PROM1: variants seen among roughly 807,000 people sequenced by gnomAD.
PROM1 encodes the protein prominin-1.
A neutral mutation model predicts 116.9 loss-of-function variants in PROM1; 105 were observed. The ratio of observed to expected loss-of-function variants is 0.90; its 90% CI spans 0.77 to 1.06. PROM1 has a LOEUF of 1.06. PROM1 is among the 50% of genes least tolerant of loss of function. The pLI, the probability that PROM1 is intolerant of heterozygous loss-of-function variation, is 0.00. For missense variants in PROM1, 1,122 were observed against 1,045.2 expected, an observed-to-expected ratio of 1.07 and a Z score of -1.01; for synonymous variants, 393 against 387.0, an observed-to-expected ratio of 1.02 and a Z score of -0.18.
Position 15,986,049 on chromosome 4 carries a change from A to T in PROM1, c.2131-12T>A. Reference sequence around the variant, plus strand: ...CTAGTTACTCTCTCCTGAAAGACACAGCCACAGTTATCAGGGTATCAAGTC... The same window carrying T: ...CTAGTTACTCTCTCCTGAAAGACACTGCCACAGTTATCAGGGTATCAAGTC... On this transcript the variant is annotated splice_polypyrimidine_tract_variant and intron_variant, in intron 20 of 27. Coordinates refer to ENST00000447510, the MANE Select transcript of PROM1 (RefSeq NM_006017.3). 6.5e-7 allele frequency: 1 copy of T among 1,533,342 alleles called. No homozygotes were observed. 95.0% of individuals were successfully genotyped at this position (1,533,342 alleles called of 1,614,324 possible).
intron 19 of PROM1, among the ~76,000 whole-genome samples, chr4:15,988,311 T>C (rs1435485469): frequency 6.6e-6 from 1 of 152,222 alleles, no homozygotes; most frequent in Non-Finnish European, 1.5e-5. Context: ...TTGATCAAAG[T>C]GGAAGGCATT....
At chr4:16,021,983 A>G (rs1482925451) in intron 8 of PROM1, among the ~76,000 whole-genome samples, 2 of 152,168 alleles carry the variant, frequency 1.3e-5, no homozygotes, top group East Asian at 3.9e-4. Context: ...ATGTTCTTAC[A>G]AGAAGAGGAA....
intron 3 of PROM1, 49 bp from the exon 4 acceptor site, chr4:16,035,810 C>A: frequency 1.3e-6 from 2 of 1,566,344 alleles, no homozygotes; most frequent in South Asian, 1.1e-5. Flanking sequence ...CAGCATGCAT[C>A]AAGAAAACAG....
chr4:16,060,622 T>C (rs992414654), intron 2 of PROM1, among the ~76,000 whole-genome samples: 1 of 152,166 alleles, frequency 6.6e-6, no homozygotes, highest in East Asian at 1.9e-4. Context: ...TGGATGTTTA[T>C]TTCCCAGAGC....
chr4:15,975,777 A>G (rs1028223574), intron 26 of PROM1, among the ~76,000 whole-genome samples: 1 of 152,226 alleles, frequency 6.6e-6, no homozygotes, highest in Non-Finnish European at 1.5e-5. Context: ...GACGGGCTGA[A>G]CATCCAGGAG....
chr4:16,006,987 A>G (rs1247147677), intron 12 of PROM1, among the ~76,000 whole-genome samples: 1 of 152,208 alleles, frequency 6.6e-6, no homozygotes, highest in Non-Finnish European at 1.5e-5. Context: ...CACAGGGTTC[A>G]TAAGCACAGC....
chr4:16,065,866 A>G (rs997849610), intron 2 of PROM1, among the ~76,000 whole-genome samples: 8 of 152,212 alleles, frequency 5.3e-5, no homozygotes, highest in African/African-American at 1.9e-4. Flanking sequence ...TACCTGGAAA[A>G]AAGTTCTTTG....
chr4:15,985,378 G>A, intron 22 of PROM1: 2 of 212,742 alleles, frequency 9.4e-6, no homozygotes, highest in Non-Finnish European at 1.8e-5. Context: ...TATTCTCTCT[G>A]AGCCTCGGTT....
chr4:16,068,986 G>C (rs1742192303), intron 2 of PROM1, among the ~76,000 whole-genome samples: 1 of 152,188 alleles, frequency 6.6e-6, no homozygotes, highest in African/African-American at 2.4e-5. Context: ...TGTAATCCTA[G>C]CACTTTGGGA....
intron 5 of PROM1, among the ~76,000 whole-genome samples, chr4:16,027,109 G>A (rs1731491299): frequency 6.6e-6 from 1 of 152,128 alleles, no homozygotes; most frequent in South Asian, 2.1e-4. Flanking sequence ...AATTCTGATG[G>A]TAATCTTATA....
At chr4:15,970,520 AT>A (rs1431398358) in intron 27 of PROM1, among the ~76,000 whole-genome samples, 3 of 151,118 alleles carry the variant, frequency 2.0e-5, no homozygotes, top group African/African-American at 7.3e-5. Flanking sequence ...AAAAAATTTT[AT>A]TTTTTTAATA....
intron 9 of PROM1, among the ~76,000 whole-genome samples, chr4:16,017,025 C>T (rs950534287): frequency 1.3e-5 from 2 of 152,020 alleles, no homozygotes; most frequent in African/African-American, 2.4e-5. Context: ...ATGGTAGTGT[C>T]GGGTCAATGT....
chr4:16,071,647 G>A (rs962749961), intron 2 of PROM1, among the ~76,000 whole-genome samples: 1 of 152,178 alleles, frequency 6.6e-6, no homozygotes, highest in Non-Finnish European at 1.5e-5. Flanking sequence ...GAGCATGTGA[G>A]CACACAGCGA....
chr4:16,015,105 G>A (rs1460346546), intron 10 of PROM1, among the ~76,000 whole-genome samples: 1 of 152,146 alleles, frequency 6.6e-6, no homozygotes, highest in Non-Finnish European at 1.5e-5. Flanking sequence ...CAGCACTTTG[G>A]GAGGCCGAGG....
intron 2 of PROM1, among the ~76,000 whole-genome samples, chr4:16,058,613 C>T (rs1053568072): frequency 2.7e-5 from 4 of 150,302 alleles, no homozygotes; most frequent in African/African-American, 7.4e-5. Flanking sequence ...CGCCACTGCA[C>T]TCTAGCCTGG....
chr4:15,987,496 C>T (rs181526244), intron 20 of PROM1, among the ~76,000 whole-genome samples, 167 bp downstream of exon 20: 1 of 151,890 alleles, frequency 6.6e-6, no homozygotes, highest in Non-Finnish European at 1.5e-5. Context: ...TAGAGAAGTA[C>T]TTGTAGAAAG....
At chr4:16,022,021 A>G (rs1730032793) in intron 8 of PROM1, among the ~76,000 whole-genome samples, 1 of 152,084 alleles carries the variant, frequency 6.6e-6, no homozygotes, top group Admixed American at 6.6e-5. Context: ...TGTCCCAGAC[A>G]GGAAATGAGA....
At chr4:15,990,178 A>G (rs1720625314) in intron 18 of PROM1, among the ~76,000 whole-genome samples, 1 of 152,222 alleles carries the variant, frequency 6.6e-6, no homozygotes, top group Non-Finnish European at 1.5e-5. Context: ...TGAATGTTTA[A>G]TTTATTAATG....
chr4:15,974,068 T>TACACACACACATACAGAC (rs1560372034), intron 26 of PROM1, among the ~76,000 whole-genome samples: 2 of 151,214 alleles, frequency 1.3e-5, no homozygotes, highest in Non-Finnish European at 2.9e-5. Context: ...AGAGTAAGTT[T>TACACACACACATACAGAC]ACACACACAC....
Sources: allele counts gnomAD v4.1 joint callset (sites outside exome capture counted in the v4.1 genomes callset), GRCh38; gene constraint gnomAD v4.1.1; transcripts MANE v1.5; gene names NCBI Gene and HGNC (gene_info 2026-07-23, HGNC 2026-07-21).